Variants in SLA observed in about 807,000 individuals in gnomAD.
SLA encodes the protein src-like-adapter.
Under a neutral mutation model 30.3 loss-of-function variants are expected in SLA, and 16 were observed. That is an observed-to-expected ratio of 0.53 (90% CI 0.36 to 0.80). The LOEUF (loss-of-function observed/expected upper bound fraction) is 0.80, where lower values mean the gene tolerates loss of function less well. SLA is among the 30% of genes least tolerant of loss of function. The pLI is 0.01. For synonymous variants in SLA, 143 were observed against 137.8 expected, an observed-to-expected ratio of 1.04 and a Z score of -0.26; for missense variants, 310 against 345.2, an observed-to-expected ratio of 0.90 and a Z score of 0.81.
chr8:133,098,301 G>A (rs935911564), intron 1 of SLA, among the ~76,000 whole-genome samples: 1 of 152,176 alleles, frequency 6.6e-6, no homozygotes, highest in African/African-American at 2.4e-5. Flanking sequence ...GTGTACTCTT[G>A]TACTAATACC....
chr8:133,081,710 A>G lies in SLA; in HGVS notation c.-318-6580T>C, dbSNP rs181370952. Among the ~76,000 whole-genome samples the G allele has an allele frequency of 4.4e-3, 638 of 144,586 alleles. 6 individuals are homozygous for G. Among genetic ancestry groups the G allele is most frequent in the African/African-American group, 0.015 (612 of 40,476 alleles). 94.9% of individuals were successfully genotyped at this position (144,586 alleles called of 152,430 possible). On this transcript the variant is annotated intron_variant, in intron 1 of 8. Transcript: ENST00000338087. ...CTCAACCTAGACCCACTGCCTCCAC[A>G]TCGGGGGAGATCTTACTGTTCTCAG...
At chr8:133,039,150 G>A (rs1355482716) in intron 8 of SLA, among the ~76,000 whole-genome samples, 6 of 152,182 alleles carry the variant, frequency 3.9e-5, no homozygotes, top group South Asian at 2.1e-4. Context: ...AAGTGCTGGG[G>A]TTACAGGCGT....
chr8:133,039,595 G>A (rs1255023723), intron 8 of SLA, among the ~76,000 whole-genome samples: 1 of 152,184 alleles, frequency 6.6e-6, no homozygotes, highest in African/African-American at 2.4e-5. Flanking sequence ...AGAAGTCACT[G>A]TAGGATTCTG....
chr8:133,041,125 C>T (rs991405812), intron 7 of SLA, among the ~76,000 whole-genome samples: 3 of 152,204 alleles, frequency 2.0e-5, no homozygotes, highest in Non-Finnish European at 4.4e-5. Flanking sequence ...AACCCCAGTG[C>T]TTCTCCTGTG....
At chr8:133,055,361 G>GCACA (rs746605171) in intron 3 of SLA, among the ~76,000 whole-genome samples, 14 of 131,658 alleles carry the variant, frequency 1.1e-4, no homozygotes, top group Admixed American at 2.5e-4. Context: ...ACACACGCAC[G>GCACA]CGCGCACACA....
intron 2 of SLA, 35 bp downstream of exon 2, chr8:133,074,818 C>T: frequency 1.0e-6 from 1 of 982,968 alleles, no homozygotes; most frequent in Non-Finnish European, 1.2e-6. Context: ...TGAAGTCTCT[C>T]CCCACCCCAT....
chr8:133,083,819 T>C (rs1258484750), intron 1 of SLA, among the ~76,000 whole-genome samples: 2 of 152,158 alleles, frequency 1.3e-5, no homozygotes, highest in Non-Finnish European at 2.9e-5. Flanking sequence ...TCTCATCCAG[T>C]GCCCTGCTGC....
intron 4 of SLA, chr8:133,050,293 A>T (rs1244209014): frequency 2.4e-6 from 1 of 422,418 alleles, no homozygotes; most frequent in African/African-American, 2.0e-5. Flanking sequence ...ATAAATGTTT[A>T]CTATGTTGAT....
intron 1 of SLA, among the ~76,000 whole-genome samples, chr8:133,077,298 T>C (rs1698724092): frequency 6.6e-6 from 1 of 151,750 alleles, no homozygotes; most frequent in African/African-American, 2.4e-5. Context: ...GTTCAAGGGG[T>C]CCCGTTCACA....
At chr8:133,086,805 T>A (rs922822942) in intron 1 of SLA, among the ~76,000 whole-genome samples, 2 of 152,198 alleles carry the variant, frequency 1.3e-5, no homozygotes, top group African/African-American at 4.8e-5. Flanking sequence ...TCCTTACAGA[T>A]GAAGAAAGTC....
At chr8:133,049,182 G>T (rs77277549) in intron 5 of SLA, 1 of 456,268 alleles carries the variant, frequency 2.2e-6, no homozygotes, top group African/African-American at 2.0e-5. Context: ...TCACTGGAAC[G>T]ACTACAGGGG....
Position 133,084,204 on chromosome 8 carries a change from G to A in SLA, c.-318-9074C>T, listed in dbSNP as rs149376893. 5.7e-3 allele frequency among the ~76,000 whole-genome samples: 864 copies of A among 152,232 alleles called. 9 individuals carry two copies. Among genetic ancestry groups the A allele is most frequent in the Non-Finnish European group, 6.7e-3 (459 of 68,022 alleles). Reference sequence around the variant, plus strand: ...AAATGGAGAGAGAGGGGCAGTCTAGGGGCTACTGGAAGGAAAATAGAAAAA... The same window carrying A: ...AAATGGAGAGAGAGGGGCAGTCTAGAGGCTACTGGAAGGAAAATAGAAAAA... On this transcript the variant is annotated intron_variant, in intron 1 of 8. Transcript: ENST00000338087.
intron 7 of SLA, among the ~76,000 whole-genome samples, chr8:133,041,582 G>C (rs952844679): frequency 6.6e-6 from 1 of 152,170 alleles, no homozygotes; most frequent in African/African-American, 2.4e-5. Flanking sequence ...AGATGCAAAG[G>C]CTGGAGAGAT....
intron 1 of SLA, among the ~76,000 whole-genome samples, chr8:133,078,907 C>T (rs532529304): frequency 2.0e-5 from 3 of 152,266 alleles, no homozygotes; most frequent in African/African-American, 7.2e-5. Context: ...AGGAGACAGA[C>T]ACACATATCA....
chr8:133,077,728 G>GGT lies in SLA; in HGVS notation c.-318-2600_-318-2599dup, dbSNP rs1362624761. Among the ~76,000 whole-genome samples, 14 of 118,056 alleles carry GGT rather than the reference G, an allele frequency of 1.2e-4. No homozygotes were observed. In the South Asian group the frequency reaches 3.7e-3, roughly 31 times the overall value. The allele number at this position is 118,056 out of a possible 152,430, so 77.4% of individuals were successfully genotyped here. A position where few individuals can be genotyped will look rare whatever the true frequency, so the allele number is the denominator to read the frequency against. On this transcript the variant is annotated intron_variant, in intron 1 of 8. Coordinates refer to ENST00000338087, the MANE Select transcript of SLA (RefSeq NM_001045556.3). ...GACATTTTGGATCAGGGCATTCTCT[G>GGT]GTGTGTATGTGTGTGTGTGTGTGTG...
intron 1 of SLA, among the ~76,000 whole-genome samples, chr8:133,088,647 G>T (rs552979966): frequency 6.6e-6 from 1 of 152,064 alleles, no homozygotes; most frequent in African/African-American, 2.4e-5. Context: ...AAACACACAC[G>T]CACTTTTTAT....
chr8:133,061,508 G>T (rs558902210), intron 2 of SLA, among the ~76,000 whole-genome samples: 2 of 152,288 alleles, frequency 1.3e-5, no homozygotes, highest in African/African-American at 4.8e-5. Context: ...AAATATTTTG[G>T]AAAGGGACAT....
intron 1 of SLA, among the ~76,000 whole-genome samples, chr8:133,093,673 G>A (rs1847942479): frequency 6.6e-6 from 1 of 152,118 alleles, no homozygotes; most frequent in Non-Finnish European, 1.5e-5. Flanking sequence ...CCTTGCCTCT[G>A]ACCCTAGCCA....
intron 4 of SLA, 35 bp downstream of exon 4, chr8:133,050,781 T>C (rs1840252327): frequency 7.5e-7 from 1 of 1,339,594 alleles, no homozygotes; most frequent in East Asian, 2.3e-5. Context: ...TTATCCTGCT[T>C]TGAAGATTGC....
Sources: gnomAD v4.1 joint callset for allele counts (sites outside exome capture counted in the v4.1 genomes callset) on GRCh38, gnomAD v4.1.1 for gene constraint, MANE v1.5 for transcripts, NCBI Gene and HGNC (gene_info 2026-07-23, HGNC 2026-07-21) for gene names.